The following MAGI3 variants were observed in gnomAD, a reference collection of about 807,000 sequenced individuals.
MAGI3 encodes the protein membrane-associated guanylate kinase, WW and PDZ domain-containing protein 3.
Under a neutral mutation model 121.8 loss-of-function variants are expected in MAGI3, and 43 were observed. That is an observed-to-expected ratio of 0.35 (90% CI 0.28 to 0.46). MAGI3 has a LOEUF of 0.46. MAGI3 is among the 20% of genes least tolerant of loss of function. The pLI is 1.00. For synonymous variants in MAGI3, 553 were observed against 639.3 expected (o/e 0.86, Z 2.04); for missense variants, 1,547 against 1,797.3 (o/e 0.86, Z 2.52).
intron 19 of MAGI3, among the ~76,000 whole-genome samples, chr1:113,677,812 A>ATCT (rs2101032104): frequency 1.3e-5 from 2 of 152,072 alleles, no homozygotes; most frequent in East Asian, 3.9e-4. Flanking sequence ...CTGAACTTGA[A>ATCT]TCTTTGTTCT....
At chr1:113,486,791 A>G (rs1656404264) in intron 1 of MAGI3, among the ~76,000 whole-genome samples, 1 of 151,902 alleles carries the variant, frequency 6.6e-6, no homozygotes, top group African/African-American at 2.4e-5. Context: ...GGCTAGGACT[A>G]CAGTCATGTG....
intron 1 of MAGI3, among the ~76,000 whole-genome samples, chr1:113,402,936 G>A (rs980616889): frequency 4.6e-5 from 7 of 152,136 alleles, no homozygotes; most frequent in African/African-American, 1.7e-4. Context: ...GAATGATGGA[G>A]TCTTGCTTGG....
chr1:113,450,544 A>G, intron 1 of MAGI3: 2 of 1,025,674 alleles, frequency 1.9e-6, no homozygotes, highest in Non-Finnish European at 3.1e-6. Flanking sequence ...ATGAAGGAGG[A>G]AATTTTGGCG....
chr1:113,511,114 G>A (rs1187814969), intron 1 of MAGI3, among the ~76,000 whole-genome samples: 1 of 152,198 alleles, frequency 6.6e-6, no homozygotes, highest in Non-Finnish European at 1.5e-5. Context: ...TGTATTGGGT[G>A]CAGTTGCAGG....
intron 1 of MAGI3, among the ~76,000 whole-genome samples, chr1:113,466,994 T>C (rs1181620618): frequency 6.6e-6 from 1 of 152,074 alleles, no homozygotes; most frequent in East Asian, 1.9e-4. Flanking sequence ...TTGGGTTTGA[T>C]TTCTTTTTGC....
intron 9 of MAGI3, among the ~76,000 whole-genome samples, chr1:113,639,580 T>C (rs1652316287): frequency 6.6e-6 from 1 of 152,132 alleles, no homozygotes; most frequent in African/African-American, 2.4e-5. Context: ...TTTTTTTCTT[T>C]TTTTGAGATG....
At chr1:113,561,173 A>G (rs2489142) in intron 2 of MAGI3, among the ~76,000 whole-genome samples, 2,083 of 152,346 alleles carry the variant, frequency 0.014, 56 homozygotes, top group African/African-American at 0.048. Flanking sequence ...TTATAGCTGA[A>G]TTCTACCAGA....
At chr1:113,606,616 C>T (rs768945275) in intron 6 of MAGI3, among the ~76,000 whole-genome samples, 3 of 152,036 alleles carry the variant, frequency 2.0e-5, no homozygotes, top group Non-Finnish European at 2.9e-5. Context: ...TTTCTGTTTC[C>T]TCTTGCTTTT....
intron 1 of MAGI3, among the ~76,000 whole-genome samples, chr1:113,461,889 T>A (rs1407114237): frequency 6.6e-6 from 1 of 151,956 alleles, no homozygotes; most frequent in Non-Finnish European, 1.5e-5. Context: ...GAAAACCCCA[T>A]TTAAAAAGTG....
chr1:113,464,547 AT>A (rs1655182284), intron 1 of MAGI3, among the ~76,000 whole-genome samples: 1 of 152,034 alleles, frequency 6.6e-6, no homozygotes, highest in South Asian at 2.1e-4. Context: ...TGGTAGTTCT[AT>A]TTTTTATTTC....
At chr1:113,659,954 C>A (rs1354167098) in intron 16 of MAGI3, among the ~76,000 whole-genome samples, 2 of 152,072 alleles carry the variant, frequency 1.3e-5, no homozygotes, top group Admixed American at 6.6e-5. Context: ...CAAGGAGAAG[C>A]CAAAAACAGA....
chr1:113,663,665 T>C (rs1653900856), intron 16 of MAGI3, among the ~76,000 whole-genome samples: 1 of 152,210 alleles, frequency 6.6e-6, no homozygotes, highest in South Asian at 2.1e-4. Context: ...CAAATGCTGT[T>C]TTATAGGTTT....
intron 2 of MAGI3, 115 bp downstream of exon 2, chr1:113,549,746 G>A (rs955455493): frequency 5.7e-6 from 3 of 530,892 alleles, no homozygotes; most frequent in Non-Finnish European, 6.5e-6. Flanking sequence ...ACTAAGTTGG[G>A]AACAAGAATG....
chr1:113,573,057 C>G (rs1036705935), intron 2 of MAGI3, among the ~76,000 whole-genome samples: 4 of 152,006 alleles, frequency 2.6e-5, no homozygotes, highest in African/African-American at 7.2e-5. Context: ...TCCCAAGTAG[C>G]TGGGACTACA....
intron 2 of MAGI3, among the ~76,000 whole-genome samples, chr1:113,566,184 C>T (rs1660427960): frequency 6.6e-6 from 1 of 152,120 alleles, no homozygotes; most frequent in Non-Finnish European, 1.5e-5. Context: ...GTGATGTTTT[C>T]TTATCAAATT....
intron 1 of MAGI3, among the ~76,000 whole-genome samples, chr1:113,418,606 A>G (rs1292394251): frequency 2.0e-5 from 3 of 151,884 alleles, no homozygotes; most frequent in Non-Finnish European, 4.4e-5. Context: ...TTTTTAATTT[A>G]TAAATATGCC....
At chr1:113,512,923 CAA>C (rs1488044196) in intron 1 of MAGI3, among the ~76,000 whole-genome samples, 1 of 152,162 alleles carries the variant, frequency 6.6e-6, no homozygotes, top group Non-Finnish European at 1.5e-5. Context: ...GCAACTTCAG[CAA>C]AGTCTCAGGA....
At chr1:113,597,727 G>A (rs1047168595) in intron 6 of MAGI3, among the ~76,000 whole-genome samples, 4 of 152,152 alleles carry the variant, frequency 2.6e-5, no homozygotes, top group African/African-American at 9.7e-5. Flanking sequence ...AACAGAATAA[G>A]TGTCAGCCAA....
At chr1:113,642,812 A>C (rs913366274) in intron 10 of MAGI3, among the ~76,000 whole-genome samples, 1 of 152,258 alleles carries the variant, frequency 6.6e-6, no homozygotes, top group African/African-American at 2.4e-5. Flanking sequence ...TGATACTTCA[A>C]ATGAAATACA....
Sources: allele counts gnomAD v4.1 joint callset (sites outside exome capture counted in the v4.1 genomes callset), GRCh38; gene constraint gnomAD v4.1.1; transcripts MANE v1.5; gene names NCBI Gene and HGNC (gene_info 2026-07-23, HGNC 2026-07-21).